Variants in C4orf50 observed in about 807,000 individuals in gnomAD.
C4orf50 encodes uncharacterized protein C4orf50.
A neutral mutation model predicts 77.2 loss-of-function variants in C4orf50; 80 were observed. The ratio of observed to expected loss-of-function variants is 1.04; its 90% CI spans 0.87 to 1.25. The LOEUF is 1.25. Ranked by LOEUF, C4orf50 falls within the 50% of genes most tolerant of loss-of-function variation. The pLI is 0.00. For missense variants in C4orf50, 1,257 were observed against 1,152.9 expected (o/e 1.09, Z -1.31); for synonymous variants, 532 against 465.3 (o/e 1.14, Z -1.84).
chr4:6,012,783 C>T (rs1722540491), intron 23 of C4orf50, among the ~76,000 whole-genome samples: 1 of 152,204 alleles, frequency 6.6e-6, no homozygotes, highest in African/African-American at 2.4e-5. Flanking sequence ...GCTCCCAGAC[C>T]CACGGGGAGA....
At chr4:5,902,294 C>T (rs1057387938) in intron 7 of C4orf50, 2 of 152,164 alleles carry the variant, frequency 1.3e-5, no homozygotes, top group Non-Finnish European at 2.9e-5. Flanking sequence ...TTCTCATTTC[C>T]CCCTGTGCTG....
At chr4:5,950,645 C>G (rs921774900) in intron 7 of C4orf50, among the ~76,000 whole-genome samples, 25 of 152,224 alleles carry the variant, frequency 1.6e-4, no homozygotes, top group African/African-American at 5.8e-4. Context: ...TCCAGGACAT[C>G]TTGACTGATA....
chr4:5,959,671 T>G, intron 33 of C4orf50, 45 bp from the exon 12 acceptor site: 1 of 1,569,036 alleles, frequency 6.4e-7, no homozygotes, highest in African/African-American at 1.4e-5. Flanking sequence ...TCCACATGTT[T>G]GTAAAAGCCC....
chr4:5,982,461 G>A (rs373682745), intron 28 of C4orf50, among the ~76,000 whole-genome samples: 5 of 152,214 alleles, frequency 3.3e-5, no homozygotes, highest in Admixed American at 6.5e-5. Flanking sequence ...GAGCTCAGGC[G>A]GGTGTGGAGA....
At chr4:6,001,025 A>G (rs1446507480) in intron 25 of C4orf50, among the ~76,000 whole-genome samples, 1 of 152,224 alleles carries the variant, frequency 6.6e-6, no homozygotes, top group Non-Finnish European at 1.5e-5. Context: ...CACAAAAGCC[A>G]TGATAAAATG....
chr4:5,910,063 G>A (rs1716735002), intron 7 of C4orf50, among the ~76,000 whole-genome samples: 1 of 152,046 alleles, frequency 6.6e-6, no homozygotes, highest in Non-Finnish European at 1.5e-5. Context: ...ATTTTGATAG[G>A]GACGGCATTG....
At position 6,008,490 on chromosome 4, in the gene C4orf50, G is replaced by T; in HGVS notation, c.469C>A (p.Arg157=). 2.5e-6 allele frequency: 1 copy of T among 397,944 alleles called. No homozygotes were observed. Among genetic ancestry groups the T allele is most frequent in the Non-Finnish European group, 4.4e-6 (1 of 225,634 alleles). The allele number at this position is 397,944 out of a possible 1,614,324, so 24.7% of individuals were successfully genotyped here. A position where few individuals can be genotyped will look rare whatever the true frequency, so the allele number is the denominator to read the frequency against. ...CGCCGCAACCGCTCCTGCAACCGCC[G>T]CAGCCGCCACTGCTGCCGCCTGGCC... Residue 157 remains arginine, a synonymous_variant, in exon 25 of 34, where the codon CGG becomes AGG. Coordinates refer to ENST00000531445, the Ensembl canonical transcript of C4orf50. The surrounding 1 kb of genome is among the most constrained non-coding windows in gnomAD (Gnocchi z 6.0).
intron 25 of C4orf50, among the ~76,000 whole-genome samples, chr4:5,995,533 C>T (rs1280191283): frequency 6.7e-6 from 1 of 148,340 alleles, no homozygotes; most frequent in African/African-American, 2.5e-5. Context: ...CTGTCACCCA[C>T]CACTCACGAG....
chr4:5,930,623 G>A lies in C4orf50; in HGVS notation c.*2474+26278C>T, dbSNP rs115284585. Among the ~76,000 whole-genome samples the A allele has an allele frequency of 5.1e-3, 773 of 152,330 alleles. 2 individuals carry two copies. The highest frequency in any genetic ancestry group is 0.015 in the African/African-American group (637 of 41,584). On this transcript the variant is annotated intron_variant, in intron 7 of 7. Transcript: ENST00000324058. ...TGTGTGCAGCAGCTCTGCATAGAGCGGGCATGAAGCAAGTGCCTCTGGGGC... is the reference window on the plus strand; with the variant it reads ...TGTGTGCAGCAGCTCTGCATAGAGCAGGCATGAAGCAAGTGCCTCTGGGGC...
At chr4:5,941,371 G>A (rs76275253) in intron 7 of C4orf50, among the ~76,000 whole-genome samples, 5,894 of 152,194 alleles carry the variant, frequency 0.039, 322 homozygotes, top group African/African-American at 0.12. Flanking sequence ...AGCTGAGACC[G>A]GAACTCTGGC....
At chr4:5,904,039 T>C (rs1159524140) in intron 7 of C4orf50, 1 of 152,242 alleles carries the variant, frequency 6.6e-6, no homozygotes, top group African/African-American at 2.4e-5. Flanking sequence ...TCTGCGGAGA[T>C]CTGAGACACC....
intron 7 of C4orf50, among the ~76,000 whole-genome samples, chr4:5,907,140 A>G (rs1190308387): frequency 6.6e-6 from 1 of 152,230 alleles, no homozygotes; most frequent in Admixed American, 6.5e-5. Flanking sequence ...CAAAGCAACA[A>G]GTTAAGCTTG....
At chr4:5,924,561 C>T (rs1717427726) in intron 7 of C4orf50, among the ~76,000 whole-genome samples, 1 of 152,172 alleles carries the variant, frequency 6.6e-6, no homozygotes. Context: ...GCATGAGCCG[C>T]TGTGAACCGT....
intron 31 of C4orf50, among the ~76,000 whole-genome samples, chr4:5,969,392 C>G (rs932478172): frequency 6.6e-6 from 1 of 150,840 alleles, no homozygotes; most frequent in Non-Finnish European, 1.5e-5. Flanking sequence ...AGACCAGATT[C>G]CATTTCCAAA....
chr4:6,011,820 G>A lies in C4orf50; in HGVS notation c.426+10C>T. 1 of 399,138 alleles carries A rather than the reference G, an allele frequency of 2.5e-6. No individual in the cohort carries two copies. Among genetic ancestry groups the A allele is most frequent in the Non-Finnish European group, 4.4e-6 (1 of 226,146 alleles). 24.7% of individuals were successfully genotyped at this position (399,138 alleles called of 1,614,324 possible). Reference sequence around the variant, plus strand: ...GGAAACAGGGCCTGGAAAGGAGAAGGAAACGGTACCTGGCTGGCCAGCTCC... The same window carrying A: ...GGAAACAGGGCCTGGAAAGGAGAAGAAAACGGTACCTGGCTGGCCAGCTCC... On this transcript the variant is annotated intron_variant, in intron 24 of 33. Coordinates refer to ENST00000531445, the Ensembl canonical transcript of C4orf50. This position sits in a 1 kb window ranked among gnomAD's most constrained non-coding sequence, Gnocchi z 4.2.
chr4:5,966,339 A>G (rs1012667033), intron 32 of C4orf50, among the ~76,000 whole-genome samples: 6 of 151,988 alleles, frequency 3.9e-5, no homozygotes, highest in African/African-American at 1.4e-4. Context: ...GCCAGGCATG[A>G]TAGTGGGCGC....
chr4:5,991,034 AT>A (rs1721256502), intron 27 of C4orf50, among the ~76,000 whole-genome samples: 2 of 152,152 alleles, frequency 1.3e-5, no homozygotes, highest in African/African-American at 4.8e-5. Flanking sequence ...AGATGCCCTC[AT>A]GGCTCACTCC....
intron 7 of C4orf50, among the ~76,000 whole-genome samples, chr4:5,924,140 C>A (rs759411940): frequency 3.4e-4 from 51 of 152,198 alleles, no homozygotes; most frequent in Non-Finnish European, 6.3e-4. Context: ...GGGACTCAGA[C>A]TGGCTTCCTG....
chr4:5,976,061 T>C (rs1229412826), intron 29 of C4orf50, 106 bp from the exon 8 acceptor site: 1 of 855,452 alleles, frequency 1.2e-6, no homozygotes, highest in South Asian at 1.4e-5. Flanking sequence ...GCCTGCCCTC[T>C]TTACCCTCAT....
Sources: gnomAD v4.1 joint callset for allele counts (sites outside exome capture counted in the v4.1 genomes callset) on GRCh38, gnomAD v4.1.1 for gene constraint, Gnocchi (gnomAD v3.1) non-coding constraint, MANE v1.5 for transcripts, NCBI Gene and HGNC (gene_info 2026-07-23, HGNC 2026-07-21) for gene names.